MSRA: variants seen among roughly 807,000 people sequenced by gnomAD.
The protein encoded by MSRA is mitochondrial peptide methionine sulfoxide reductase.
In MSRA, 54 loss-of-function variants were observed where a neutral mutation model predicts 31.3. The ratio of observed to expected loss-of-function variants is 1.73; its 90% CI spans 1.39 to 2.17. The LOEUF (loss-of-function observed/expected upper bound fraction) is 2.17. Among genes scored for constraint, MSRA ranks in the 30% most tolerant of loss-of-function variants. The pLI is 0.00. For synonymous variants in MSRA, 169 were observed against 116.5 expected (o/e 1.45, Z -2.90); for missense variants, 507 against 300.9 (o/e 1.69, Z -5.07).
At chr8:10,324,524 G>A (rs1802251901) in intron 5 of MSRA, among the ~76,000 whole-genome samples, 1 of 152,160 alleles carries the variant, frequency 6.6e-6, no homozygotes, top group Admixed American at 6.5e-5. Context: ...ACCACAGCAT[G>A]AGGGTCAAGT....
At chr8:10,092,224 CT>C (rs1798893727) in intron 1 of MSRA, among the ~76,000 whole-genome samples, 1 of 151,870 alleles carries the variant, frequency 6.6e-6, no homozygotes, top group African/African-American at 2.4e-5. Flanking sequence ...TTTTTCCTTT[CT>C]TTTTTTGGTC....
intron 1 of MSRA, among the ~76,000 whole-genome samples, chr8:10,077,130 G>A (rs566142335): frequency 7.6e-4 from 115 of 152,030 alleles, no homozygotes; most frequent in Non-Finnish European, 1.3e-3. Flanking sequence ...GAGTACTCAG[G>A]AAACCAAGAG....
Position 10,245,138 on chromosome 8 carries a change from C to G in MSRA, c.246C>G (p.Phe82Leu). Residue 82 changes from phenylalanine (F) to leucine (L), a missense_variant, in exon 3 of 6, where the codon TTC (phenylalanine) becomes TTG (leucine). Physicochemically the swap from Phe to Leu is conservative, Grantham distance 22. Transcript: ENST00000317173. Reference protein sequence around the residue: ...MGCFWGAERKFWVLKGVYSTQ... With the variant: ...MGCFWGAERKLWVLKGVYSTQ... ...GTTTCTGGGGAGCTGAAAGGAAATT[C>G]TGGGTCTTGAAAGGAGTGTATTCAA... is the stretch of plus-strand genomic sequence containing the variant. 1 of 1,611,604 alleles carries G rather than the reference C, an allele frequency of 6.2e-7. No individual in the cohort carries two copies. The highest frequency in any genetic ancestry group is 8.5e-7 in the Non-Finnish European group (1 of 1,179,370).
rs572605475 is a variant in MSRA, at chr8:10,200,353, C to G, written c.143-7480C>G. On this transcript the variant is annotated intron_variant, in intron 1 of 5. Coordinates refer to ENST00000317173, the MANE Select transcript of MSRA (RefSeq NM_012331.5). ...CCTTTTGTTTTGGGGGCAGCCCCCACTTGCATATGGTCCCTGGTCACCATG... is the reference window on the plus strand; with the variant it reads ...CCTTTTGTTTTGGGGGCAGCCCCCAGTTGCATATGGTCCCTGGTCACCATG... 6.6e-5 allele frequency among the ~76,000 whole-genome samples: 10 copies of G among 152,366 alleles called. No homozygotes were observed. The East Asian group carries it at 1.5e-3, about 24-fold the overall frequency.
intron 2 of MSRA, among the ~76,000 whole-genome samples, chr8:10,219,600 A>C (rs1299892453): frequency 6.6e-6 from 1 of 151,990 alleles, no homozygotes; most frequent in Non-Finnish European, 1.5e-5. Flanking sequence ...ACAAGGTCAG[A>C]CTGAGACCAT....
intron 1 of MSRA, among the ~76,000 whole-genome samples, chr8:10,193,646 A>G (rs952622682): frequency 2.0e-5 from 3 of 152,220 alleles, no homozygotes; most frequent in Admixed American, 1.3e-4. Flanking sequence ...TCCATCTTTC[A>G]TAGAAAGGCA....
At chr8:10,357,930 A>G (rs1387045459) in intron 5 of MSRA, among the ~76,000 whole-genome samples, 1 of 152,174 alleles carries the variant, frequency 6.6e-6, no homozygotes, top group Non-Finnish European at 1.5e-5. Flanking sequence ...GAATCTTGGT[A>G]CTTTTTTTTG....
At chr8:10,400,026 T>G (rs1461950160) in intron 5 of MSRA, among the ~76,000 whole-genome samples, 1 of 152,092 alleles carries the variant, frequency 6.6e-6, no homozygotes, top group Non-Finnish European at 1.5e-5. Context: ...AAAATGAATA[T>G]GGATTGTTTA....
chr8:10,201,684 C>G (rs576212109), intron 1 of MSRA, among the ~76,000 whole-genome samples: 2 of 152,342 alleles, frequency 1.3e-5, no homozygotes, highest in Non-Finnish European at 1.5e-5. Flanking sequence ...AAATAAAAAG[C>G]AATGTCAGTA....
intron 3 of MSRA, among the ~76,000 whole-genome samples, chr8:10,252,416 T>G (rs1193102519): frequency 6.6e-6 from 1 of 152,190 alleles, no homozygotes; most frequent in Non-Finnish European, 1.5e-5. Context: ...TTAGGCTGGA[T>G]TTTTTCACCA....
At chr8:10,259,517 C>T (rs371397202) in intron 3 of MSRA, among the ~76,000 whole-genome samples, 1 of 152,102 alleles carries the variant, frequency 6.6e-6, no homozygotes, top group African/African-American at 2.4e-5. Flanking sequence ...TCCTCTCTCC[C>T]TGCTCCTGTG....
At chr8:10,056,834 T>C (rs1802400169) in intron 1 of MSRA, among the ~76,000 whole-genome samples, 1 of 152,134 alleles carries the variant, frequency 6.6e-6, no homozygotes, top group South Asian at 2.1e-4. Context: ...ATTACCTCCA[T>C]CCATGTCTGT....
intron 5 of MSRA, among the ~76,000 whole-genome samples, chr8:10,349,126 A>G (rs1446638752): frequency 1.3e-5 from 2 of 152,280 alleles, no homozygotes; most frequent in African/African-American, 2.4e-5. Flanking sequence ...CAAATTATAC[A>G]TGATAATCAT....
intron 5 of MSRA, among the ~76,000 whole-genome samples, chr8:10,398,440 T>C (rs1243145410): frequency 6.6e-6 from 1 of 152,184 alleles, no homozygotes; most frequent in East Asian, 1.9e-4. Flanking sequence ...GCAGCCTTCG[T>C]TGTGGAAGTC....
intron 1 of MSRA, among the ~76,000 whole-genome samples, chr8:10,085,211 C>T (rs1243005093): frequency 6.6e-6 from 1 of 152,136 alleles, no homozygotes; most frequent in Admixed American, 6.5e-5. Flanking sequence ...CTGATGACTG[C>T]CACATCCTGA....
chr8:10,422,483 C>T (rs907530137), intron 5 of MSRA, among the ~76,000 whole-genome samples: 1 of 152,198 alleles, frequency 6.6e-6, no homozygotes, highest in Non-Finnish European at 1.5e-5. Context: ...ACACAAATGA[C>T]CAATTCTGTT....
chr8:10,296,716 C>G (rs1053265175), intron 3 of MSRA, among the ~76,000 whole-genome samples: 1 of 152,090 alleles, frequency 6.6e-6, no homozygotes, highest in African/African-American at 2.4e-5. Flanking sequence ...AGATAAAGGC[C>G]CCCCCAGCAT....
chr8:10,194,092 C>G (rs1036567410), intron 1 of MSRA, among the ~76,000 whole-genome samples: 1 of 152,134 alleles, frequency 6.6e-6, no homozygotes, highest in Non-Finnish European at 1.5e-5. Flanking sequence ...AGCAATAATT[C>G]AAACAGCACC....
intron 5 of MSRA, among the ~76,000 whole-genome samples, chr8:10,356,180 T>C (rs909080654): frequency 4.6e-5 from 7 of 152,210 alleles, no homozygotes; most frequent in Non-Finnish European, 1.0e-4. Flanking sequence ...TTCTTGTCTT[T>C]TCTCTAGATC....
Sources: allele counts gnomAD v4.1 joint callset (sites outside exome capture counted in the v4.1 genomes callset), GRCh38; gene constraint gnomAD v4.1.1; transcripts MANE v1.5; gene names NCBI Gene and HGNC (gene_info 2026-07-23, HGNC 2026-07-21).